MAGI2: variants seen among roughly 807,000 people sequenced by gnomAD.
MAGI2 encodes the protein membrane associated guanylate kinase, WW and PDZ domain containing 2.
Under a neutral mutation model 133.3 loss-of-function variants are expected in MAGI2, and 35 were observed. The observed-to-expected ratio is 0.26, with a 90% CI of 0.20 to 0.35. MAGI2 has a LOEUF of 0.35. Ranked by LOEUF, MAGI2 falls within the 10% of genes least tolerant of loss-of-function variation. The pLI is 1.00. For missense variants in MAGI2, 1,636 were observed against 1,863.4 expected (o/e 0.88, Z 2.25); for synonymous variants, 729 against 710.6 (o/e 1.03, Z -0.41).
At chr7:79,341,864 T>A (rs1474863091) in intron 1 of MAGI2, among the ~76,000 whole-genome samples, 1 of 152,174 alleles carries the variant, frequency 6.6e-6, no homozygotes, top group Non-Finnish European at 1.5e-5. Context: ...TTGGTAAGCT[T>A]CTGGGTACCC....
At chr7:79,035,085 A>G (rs1810985408) in intron 1 of MAGI2, among the ~76,000 whole-genome samples, 1 of 152,148 alleles carries the variant, frequency 6.6e-6, no homozygotes, top group African/African-American at 2.4e-5. Flanking sequence ...TTTGACACAT[A>G]ATAAATTGAA....
chr7:78,216,596 T>TTACC (rs1284792922), intron 10 of MAGI2, among the ~76,000 whole-genome samples: 1 of 152,214 alleles, frequency 6.6e-6, no homozygotes, highest in African/African-American at 2.4e-5. Flanking sequence ...AGTCTCCCTC[T>TTACC]TACCACAAGG....
intron 2 of MAGI2, among the ~76,000 whole-genome samples, chr7:78,658,839 C>T (rs1812593796): frequency 1.3e-5 from 2 of 152,136 alleles, no homozygotes; most frequent in African/African-American, 2.4e-5. Flanking sequence ...CTGGATCACT[C>T]ATAGATTAGT....
At chr7:78,535,547 G>A (rs934200343) in intron 3 of MAGI2, among the ~76,000 whole-genome samples, 30 of 151,792 alleles carry the variant, frequency 2.0e-4, no homozygotes, top group Admixed American at 1.8e-3. Context: ...GACAATGAAA[G>A]AGCTCTGTCC....
chr7:78,046,401 C>CAAAAAAAAAAAAAAAAAAA, intron 21 of MAGI2, among the ~76,000 whole-genome samples: 1 of 92,772 alleles, frequency 1.1e-5, no homozygotes, highest in Non-Finnish European at 2.1e-5. Context: ...GACTCTGTCT[C>CAAAAAAAAAAAAAAAAAAA]AAAAAAAAAC....
chr7:79,081,831 T>G (rs760154468), intron 1 of MAGI2, among the ~76,000 whole-genome samples: 5 of 152,124 alleles, frequency 3.3e-5, no homozygotes, highest in African/African-American at 4.8e-5. Flanking sequence ...AGACCCTTCA[T>G]AAAAGCCACT....
intron 2 of MAGI2, among the ~76,000 whole-genome samples, chr7:78,629,051 G>C (rs1406784064): frequency 6.6e-6 from 1 of 152,006 alleles, no homozygotes; most frequent in African/African-American, 2.4e-5. Flanking sequence ...GTGAGCACCA[G>C]GATCACAAGA....
intron 2 of MAGI2, among the ~76,000 whole-genome samples, chr7:79,003,206 G>C (rs967716131): frequency 6.6e-6 from 1 of 152,024 alleles, no homozygotes; most frequent in Non-Finnish European, 1.5e-5. Flanking sequence ...CAGGTGGTGG[G>C]GGGGAGGTCT....
chr7:79,154,867 ACAAAC>A (rs914820492), intron 1 of MAGI2, among the ~76,000 whole-genome samples: 5 of 152,154 alleles, frequency 3.3e-5, no homozygotes, highest in Non-Finnish European at 5.9e-5. Context: ...ACTCTTGCAA[ACAAAC>A]AAAACAAAAC....
rs138111387 is a variant in MAGI2, at chr7:78,730,612, T to C, written c.419-103373A>G. The stretch of plus-strand genomic sequence containing the variant: ...AGTAAAGATGTACAGCGCAAAGACA[T>C]GCTAAGTTCAATAATAAATGGTCAC... On this transcript the variant is annotated intron_variant, in intron 2 of 21. Coordinates refer to ENST00000354212, the MANE Select transcript of MAGI2 (RefSeq NM_012301.4). Among the ~76,000 whole-genome samples, 40 of 152,286 alleles carry C rather than the reference T, an allele frequency of 2.6e-4. 2 individuals are homozygous for C. The highest frequency in any genetic ancestry group is 6.8e-3 in the Middle Eastern group (2 of 294).
intron 2 of MAGI2, among the ~76,000 whole-genome samples, chr7:78,653,061 A>G (rs1448650274): frequency 1.3e-5 from 2 of 152,228 alleles, no homozygotes; most frequent in African/African-American, 4.8e-5. Flanking sequence ...TCATCAGAGA[A>G]ATGCGAATCA....
At chr7:78,047,736 G>T (rs537677359) in intron 21 of MAGI2, among the ~76,000 whole-genome samples, 117 of 152,306 alleles carry the variant, frequency 7.7e-4, no homozygotes, top group African/African-American at 2.7e-3. Context: ...TTGCCTCTGT[G>T]GATGGCCTGG....
intron 21 of MAGI2, among the ~76,000 whole-genome samples, chr7:78,066,961 T>A (rs73136524): frequency 6.6e-6 from 1 of 152,214 alleles, no homozygotes; most frequent in Non-Finnish European, 1.5e-5. Flanking sequence ...ATGTGCAGAA[T>A]GGAATTGCAC....
At chr7:78,858,274 T>C (rs1450534118) in intron 2 of MAGI2, among the ~76,000 whole-genome samples, 1 of 152,194 alleles carries the variant, frequency 6.6e-6, no homozygotes, top group Non-Finnish European at 1.5e-5. Context: ...CTGAACTCAG[T>C]TATTTCTTGC....
intron 6 of MAGI2, among the ~76,000 whole-genome samples, chr7:78,449,784 T>C (rs1017650437): frequency 7.9e-5 from 12 of 152,098 alleles, no homozygotes; most frequent in African/African-American, 2.9e-4. Flanking sequence ...GTATAGACAT[T>C]ATCACTTAAC....
intron 6 of MAGI2, among the ~76,000 whole-genome samples, chr7:78,464,651 A>G (rs750644986): frequency 4.6e-5 from 7 of 152,132 alleles, no homozygotes; most frequent in African/African-American, 7.2e-5. Flanking sequence ...AAGTTATTCT[A>G]CATATTAATG....
chr7:78,021,261 A>G (rs1808368588), intron 21 of MAGI2, among the ~76,000 whole-genome samples: 1 of 152,208 alleles, frequency 6.6e-6, no homozygotes, highest in Admixed American at 6.5e-5. Context: ...AAATTTTGTG[A>G]TATTCTAGAG....
intron 14 of MAGI2, among the ~76,000 whole-genome samples, chr7:78,168,836 A>T (rs1039344398): frequency 2.0e-5 from 3 of 152,190 alleles, no homozygotes; most frequent in African/African-American, 7.2e-5. Context: ...GAAAAGCTGG[A>T]GGGTAAGGAG....
chr7:79,163,629 T>G (rs568062584), intron 1 of MAGI2, among the ~76,000 whole-genome samples: 8 of 152,140 alleles, frequency 5.3e-5, no homozygotes, highest in African/African-American at 1.9e-4. Flanking sequence ...CAAATAAGAT[T>G]TATGATAAGG....
Sources: gnomAD v4.1 joint callset for allele counts (sites outside exome capture counted in the v4.1 genomes callset) on GRCh38, gnomAD v4.1.1 for gene constraint, MANE v1.5 for transcripts, NCBI Gene and HGNC (gene_info 2026-07-23, HGNC 2026-07-21) for gene names.